Variants in RUNX1 observed in about 807,000 individuals in gnomAD.
The protein encoded by RUNX1 is runt-related transcription factor 1.
RUNX1 carries 19 observed loss-of-function variants against 42.8 expected under a neutral mutation model. The ratio of observed to expected loss-of-function variants is 0.44; its 90% CI spans 0.31 to 0.65. The LOEUF is 0.65. Ranked by LOEUF, RUNX1 falls within the 30% of genes least tolerant of loss-of-function variation. The pLI, the probability that RUNX1 is intolerant of heterozygous loss-of-function variation, is 0.07. For synonymous variants in RUNX1, 271 were observed against 289.4 expected, an observed-to-expected ratio of 0.94 and a Z score of 0.64; for missense variants, 528 against 672.0, an observed-to-expected ratio of 0.79 and a Z score of 2.37.
intron 2 of RUNX1, among the ~76,000 whole-genome samples, chr21:34,950,819 C>T: frequency 6.6e-6 from 1 of 152,154 alleles, no homozygotes; most frequent in East Asian, 1.9e-4. Flanking sequence ...GTGGATGGCC[C>T]CCCAAGATTT....
chr21:34,931,319 T>A (rs1196564250), intron 2 of RUNX1, among the ~76,000 whole-genome samples: 1 of 144,338 alleles, frequency 6.9e-6, no homozygotes, highest in Non-Finnish European at 1.5e-5. Flanking sequence ...CAACATGCAT[T>A]ATATATATAT....
chr21:35,014,853 T>C (rs2059149000), intron 2 of RUNX1, among the ~76,000 whole-genome samples: 1 of 152,234 alleles, frequency 6.6e-6, no homozygotes, highest in Non-Finnish European at 1.5e-5. Context: ...TGCTGCACTA[T>C]TGCGACTTCT....
chr21:34,817,122 A>G (rs2056837545), intron 7 of RUNX1, among the ~76,000 whole-genome samples: 1 of 152,192 alleles, frequency 6.6e-6, no homozygotes, highest in South Asian at 2.1e-4. Flanking sequence ...CTGAAGGCCA[A>G]AGTATCAACA....
At chr21:34,905,644 A>C (rs779873631) in intron 2 of RUNX1, among the ~76,000 whole-genome samples, 4 of 152,242 alleles carry the variant, frequency 2.6e-5, no homozygotes, top group African/African-American at 4.8e-5. Flanking sequence ...AATGCTTATG[A>C]GTAAAATTAG....
rs1569077236 is a variant in RUNX1, at chr21:34,878,359, A to AT, written c.508+2197_508+2198insA. On this transcript the variant is annotated intron_variant, in intron 5 of 8. Coordinates refer to ENST00000675419, the MANE Select transcript of RUNX1 (RefSeq NM_001754.5). ...TAGCGCTGACTAAAAAAAAAAAAAAAAATATATATATATATATACACACAC... is the reference window on the plus strand; with the variant it reads ...TAGCGCTGACTAAAAAAAAAAAAAAATAATATATATATATATATACACACAC... Among the ~76,000 whole-genome samples the AT allele has an allele frequency of 3.9e-3, 567 of 144,312 alleles. 4 individuals carry two copies. The highest frequency in any genetic ancestry group is 0.013 in the African/African-American group (500 of 37,222). 94.7% of individuals were successfully genotyped at this position (144,312 alleles called of 152,430 possible).
chr21:34,888,529 A>G, intron 3 of RUNX1: 1 of 1,064,966 alleles, frequency 9.4e-7, no homozygotes, highest in Non-Finnish European at 1.1e-6. Context: ...AAAAAAAGGA[A>G]GGTCCAACGC....
At chr21:34,872,054 A>G (rs922485538) in intron 5 of RUNX1, among the ~76,000 whole-genome samples, 2 of 152,004 alleles carry the variant, frequency 1.3e-5, no homozygotes, top group African/African-American at 4.8e-5. Flanking sequence ...ACGTTGGCCA[A>G]GCTGGTCTCA....
In RUNX1 at chr21:34,866,680, T is replaced by C. The variant is rs544828918; in HGVS notation, c.509-7102A>G. On this transcript the variant is annotated intron_variant, in intron 5 of 8. Transcript: ENST00000675419. ...TATAATTAATTTATTTGGGGATTTC[T>C]GGACGGGATACAAATCCTTCAACTT... Among the ~76,000 whole-genome samples, 31 of 152,354 alleles carry C rather than the reference T, an allele frequency of 2.0e-4. No individual in the cohort carries two copies. In the South Asian group the frequency reaches 4.6e-3, roughly 22 times the overall value.
intron 2 of RUNX1, among the ~76,000 whole-genome samples, chr21:34,963,645 T>G (rs1193172025): frequency 6.6e-6 from 1 of 152,148 alleles, no homozygotes; most frequent in Non-Finnish European, 1.5e-5. Flanking sequence ...CCTTGATCTG[T>G]AAGTTGTTCA....
chr21:34,983,945 T>G (rs2058866106), intron 2 of RUNX1, among the ~76,000 whole-genome samples: 1 of 152,022 alleles, frequency 6.6e-6, no homozygotes, highest in African/African-American at 2.4e-5. Flanking sequence ...AGCTGGAAAA[T>G]CTGAGAAGAT....
At chr21:34,972,117 T>C (rs2058768201) in intron 2 of RUNX1, among the ~76,000 whole-genome samples, 1 of 152,238 alleles carries the variant, frequency 6.6e-6, no homozygotes. Context: ...ATATGGCACC[T>C]GGATAAGCTC....
At position 34,931,655 on chromosome 21, in the gene RUNX1, C is replaced by A. The variant is rs190094428; in HGVS notation, c.59-38692G>T. 2.3e-3 allele frequency among the ~76,000 whole-genome samples: 328 copies of A among 142,072 alleles called. 2 individuals carry two copies. The highest frequency in any genetic ancestry group is 3.6e-3 in the Non-Finnish European group (239 of 67,106). 93.2% of individuals were successfully genotyped at this position (142,072 alleles called of 152,430 possible). Reference sequence around the variant, plus strand: ...AAATAAGGTTTATCTGGGGTCCCAACTCTGATTGATTGGAATTGGCTGAAG... The same window carrying A: ...AAATAAGGTTTATCTGGGGTCCCAAATCTGATTGATTGGAATTGGCTGAAG... On this transcript the variant is annotated intron_variant, in intron 2 of 8. Transcript: ENST00000675419.
intron 2 of RUNX1, among the ~76,000 whole-genome samples, chr21:34,912,170 G>A (rs2058277491): frequency 6.7e-6 from 1 of 149,818 alleles, no homozygotes; most frequent in African/African-American, 2.5e-5. Context: ...TGAATCAATC[G>A]ATGACAATGA....
Position 34,843,424 on chromosome 21 carries a change from G to C in RUNX1, c.614-8823C>G, listed in dbSNP as rs895582326. The stretch of plus-strand genomic sequence containing the variant: ...GCATATACACACAGGCAGATATACA[G>C]ACATGGGGACACATATATACAAACA... On this transcript the variant is annotated intron_variant, in intron 6 of 8. Transcript: ENST00000675419. The surrounding 1 kb of genome is among the most constrained non-coding windows in gnomAD (Gnocchi z 4.8). Among the ~76,000 whole-genome samples the C allele has an allele frequency of 5.9e-5, 9 of 151,918 alleles. No individual in the cohort carries two copies. Among genetic ancestry groups the C allele is most frequent in the Non-Finnish European group, 1.0e-4 (7 of 67,980 alleles).
intron 2 of RUNX1, among the ~76,000 whole-genome samples, chr21:34,941,310 C>T (rs1274329685): frequency 6.6e-6 from 1 of 152,208 alleles, no homozygotes; most frequent in African/African-American, 2.4e-5. Context: ...TATAGTCTCC[C>T]TCCTTTCCTC....
rs879377298 is a variant in RUNX1, at chr21:34,815,669, C to T, written c.806-16207G>A. Among the ~76,000 whole-genome samples, 7 of 152,120 alleles carry T rather than the reference C, an allele frequency of 4.6e-5. No homozygotes were observed. In the East Asian group the frequency reaches 5.8e-4, roughly 13 times the overall value. On this transcript the variant is annotated intron_variant, in intron 7 of 8. Coordinates refer to ENST00000675419, the MANE Select transcript of RUNX1 (RefSeq NM_001754.5). ...CTGCACACCAAGGAAGGAGGAAGAA[C>T]GCCACTGCCAGGAGCTAGCAGTGAG...
chr21:34,966,047 T>C (rs1046138687), intron 2 of RUNX1, among the ~76,000 whole-genome samples: 3 of 149,462 alleles, frequency 2.0e-5, no homozygotes, highest in Non-Finnish European at 4.4e-5. Context: ...GAAAGGCACA[T>C]TGGTGAGGTC....
chr21:34,870,208 G>C (rs1488861638), intron 5 of RUNX1, among the ~76,000 whole-genome samples: 1 of 152,182 alleles, frequency 6.6e-6, no homozygotes, highest in Admixed American at 6.5e-5. Flanking sequence ...GCTGTTTGCT[G>C]TTGTTTGCTA....
chr21:34,971,137 T>G (rs1031723777), intron 2 of RUNX1, among the ~76,000 whole-genome samples: 49 of 152,202 alleles, frequency 3.2e-4, no homozygotes, highest in African/African-American at 1.1e-3. Flanking sequence ...TACTATGCTG[T>G]GCTTATCTAC....
Sources: gnomAD v4.1 joint callset for allele counts (sites outside exome capture counted in the v4.1 genomes callset) on GRCh38, gnomAD v4.1.1 for gene constraint, Gnocchi (gnomAD v3.1) non-coding constraint, MANE v1.5 for transcripts, NCBI Gene and HGNC (gene_info 2026-07-23, HGNC 2026-07-21) for gene names.